The following URB2 variants were observed in gnomAD, a reference collection of about 807,000 sequenced individuals.
URB2 encodes URB2 ribosome biogenesis homolog, also known as unhealthy ribosome biogenesis protein 2 homolog.
In URB2, 86 loss-of-function variants were observed where a neutral mutation model predicts 120.9. The ratio of observed to expected loss-of-function variants is 0.71; its 90% confidence interval spans 0.60 to 0.85. The LOEUF (loss-of-function observed/expected upper bound fraction) is 0.85. URB2 is among the 40% of genes least tolerant of loss of function. The probability of loss-of-function intolerance (pLI) is 0.00; values close to 1 mark genes in which losing one functional copy is unlikely to be tolerated. For missense variants in URB2, 1,765 were observed against 1,836.5 expected (o/e 0.96, Z 0.71); for synonymous variants, 755 against 758.4 (o/e 1.00, Z 0.07).
intron 4 of URB2, 117 bp downstream of exon 4, chr1:229,638,364 G>C (rs552175639): frequency 8.2e-7 from 1 of 1,221,802 alleles, no homozygotes; most frequent in African/African-American, 1.5e-5. Context: ...CCACATGTGC[G>C]GCTGGGTGCG....
intron 7 of URB2, 106 bp downstream of exon 7, chr1:229,647,858 C>A: frequency 2.0e-6 from 3 of 1,481,310 alleles, no homozygotes; most frequent in Non-Finnish European, 2.7e-6. Flanking sequence ...GATAATAATA[C>A]AAATAACGAT....
chr1:229,657,550 A>G (rs1216690838), intron 9 of URB2, among the ~76,000 whole-genome samples: 1 of 152,244 alleles, frequency 6.6e-6, no homozygotes, highest in East Asian at 1.9e-4. Flanking sequence ...ACAAGTATGA[A>G]TAAGTAGTCC....
intron 9 of URB2, among the ~76,000 whole-genome samples, chr1:229,658,637 G>C (rs779585923): frequency 1.3e-5 from 2 of 152,160 alleles, no homozygotes; most frequent in Non-Finnish European, 2.9e-5. Flanking sequence ...TGAGATGGGG[G>C]TCATAGTGTT....
At chr1:229,649,779 C>T (rs1666225749) in intron 7 of URB2, among the ~76,000 whole-genome samples, 1 of 152,168 alleles carries the variant, frequency 6.6e-6, no homozygotes, top group Admixed American at 6.5e-5. Flanking sequence ...GTTCCAAGCA[C>T]TTTACATGGC....
chr1:229,640,225 T>G (rs987181172), intron 4 of URB2, among the ~76,000 whole-genome samples: 1 of 152,254 alleles, frequency 6.6e-6, no homozygotes, highest in African/African-American at 2.4e-5. Flanking sequence ...TTTTCTATGA[T>G]TTAATTAAAT....
chr1:229,636,796 G>C lies in URB2; in HGVS notation c.2183G>C (p.Gly728Ala). The C allele has an allele frequency of 6.2e-7, 1 of 1,612,470 alleles. No homozygotes were observed. The highest frequency in any genetic ancestry group is 8.5e-7 in the Non-Finnish European group (1 of 1,178,830). ...RTTASWDGQVGMVSGLTYPVA... is the reference protein window; with the variant it reads ...RTTASWDGQVAMVSGLTYPVA... Reference sequence around the variant, plus strand: ...ACGGCTTCCTGGGATGGCCAAGTTGGGATGGTGAGTGGACTCACATACCCT... The same window carrying C: ...ACGGCTTCCTGGGATGGCCAAGTTGCGATGGTGAGTGGACTCACATACCCT... The change falls in exon 4 of 10, where the codon GGG (glycine) becomes GCG (alanine). Residue 728 changes from glycine to alanine, a missense_variant. Transcript: ENST00000258243.
intron 9 of URB2, 39 bp from the exon 10 acceptor site, chr1:229,659,061 C>T (rs764118992): frequency 5.0e-6 from 8 of 1,588,984 alleles, no homozygotes; most frequent in South Asian, 3.3e-5. Flanking sequence ...TTGATCTCTG[C>T]CCCCAATTGT....
In URB2 at chr1:229,635,479, G is replaced by T. The variant is rs2102783897; in HGVS notation, c.866G>T (p.Gly289Val). Residue 289 changes from glycine to valine, a missense_variant, in exon 4 of 10, where the codon GGC (glycine) becomes GTC (valine). Gly to Val is a moderately radical substitution (Grantham distance 109). Coordinates refer to ENST00000258243, the MANE Select transcript of URB2 (RefSeq NM_014777.4). ...GTGCTTAACAGGCTGGTTGATGCTG[G>T]CTACTGTGCAGCATCCCTTCATACC... ...DTVLNRLVDA[G>V]YCAASLHTSV... 5.6e-6 allele frequency: 9 copies of T among 1,612,988 alleles called. No individual in the cohort carries two copies. The East Asian group carries it at 2.0e-4, about 36-fold the overall frequency.
intron 9 of URB2, among the ~76,000 whole-genome samples, chr1:229,656,350 A>C (rs1333285817): frequency 6.6e-6 from 1 of 152,244 alleles, no homozygotes; most frequent in Non-Finnish European, 1.5e-5. Context: ...AATTTACTTT[A>C]TGAAAAGCCT....
Position 229,654,332 on chromosome 1 carries a change from G to T in URB2, c.4321G>T (p.Glu1441Ter). Reference protein sequence around the residue: ...MYSHIAARAEEFAVFSPFMVA... With the variant: ...MYSHIAARAE ...CAGCCACATCGCCGCACGAGCTGAG[G>T]AGTTTGCTGTGTTTTCCCCATTTAT... Residue 1441 changes from glutamate (E) to a stop codon, truncating the protein, a stop_gained, in exon 9 of 10, where the codon GAG (glutamate) becomes TAG (stop). Coordinates refer to ENST00000258243, the MANE Select transcript of URB2 (RefSeq NM_014777.4). LOFTEE classifies it high-confidence loss of function. 6.2e-7 allele frequency: 1 copy of T among 1,614,172 alleles called. No homozygotes were observed.
Position 229,654,340 on chromosome 1 carries a change from T to C in URB2, c.4329T>C (p.Ala1443=), listed in dbSNP as rs1435746064. 4 of 1,614,054 alleles carry C rather than the reference T, an allele frequency of 2.5e-6. No individual in the cohort carries two copies. Among genetic ancestry groups the C allele is most frequent in the Non-Finnish European group, 3.4e-6 (4 of 1,180,042 alleles). ...SHIAARAEEF[A]VFSPFMVAQY... ...TCGCCGCACGAGCTGAGGAGTTTGC[T>C]GTGTTTTCCCCATTTATGGTGGCCC... The change falls in exon 9 of 10, where the codon GCT becomes GCC. Residue 1443 remains alanine (A), a synonymous_variant. Coordinates refer to ENST00000258243, the MANE Select transcript of URB2 (RefSeq NM_014777.4).
chr1:229,630,801 A>G (rs1665640777), intron 2 of URB2, among the ~76,000 whole-genome samples: 1 of 152,054 alleles, frequency 6.6e-6, no homozygotes, highest in African/African-American at 2.4e-5. Context: ...CAGTCTAGCC[A>G]ACATGGCGAA....
intron 4 of URB2, among the ~76,000 whole-genome samples, chr1:229,641,270 C>G (rs1666006038): frequency 6.6e-6 from 1 of 152,124 alleles, no homozygotes; most frequent in Non-Finnish European, 1.5e-5. Context: ...GCCTCAGCCT[C>G]CGAAAGTGCT....
rs779203345 is a variant in URB2, at chr1:229,636,292, C to T, written c.1679C>T (p.Thr560Met). The T allele has an allele frequency of 4.8e-5, 78 of 1,614,106 alleles. No homozygotes were observed. Among genetic ancestry groups the T allele is most frequent in the Middle Eastern group, 1.6e-4 (1 of 6,082 alleles). The part of the protein sequence containing the change: ...MFNMRSLDSS[T>M]PLPIVRRTQC... ...AACATGAGGAGCCTGGACAGCAGCA[C>T]GCCTCTGCCCATTGTCAGACGGACA... The change falls in exon 4 of 10, where the codon ACG (threonine) becomes ATG (methionine). Residue 560 changes from threonine to methionine, a missense_variant. Thr to Met is a moderately conservative substitution (Grantham distance 81). Transcript: ENST00000258243.
chr1:229,659,311 A>G lies in URB2; in HGVS notation c.*14A>G. On this transcript the variant is annotated 3_prime_UTR_variant, in exon 10 of 10. Transcript: ENST00000258243. ...TATACGGCCTAAGGCTATGGGACAG[A>G]AGTGCCGCCAGTGACACTGTCCAGA... 1 of 1,612,688 alleles carries G rather than the reference A, an allele frequency of 6.2e-7. No homozygotes were observed. Among genetic ancestry groups the G allele is most frequent in the South Asian group, 1.1e-5 (1 of 91,016 alleles).
At chr1:229,650,145 C>G (rs1188827036) in intron 7 of URB2, among the ~76,000 whole-genome samples, 4 of 152,220 alleles carry the variant, frequency 2.6e-5, no homozygotes, top group Admixed American at 1.3e-4. Flanking sequence ...GACTTACTCT[C>G]TGTTCACTCT....
At position 229,637,654 on chromosome 1, in the gene URB2, A is replaced by C. The variant is rs1248253972; in HGVS notation, c.3041A>C (p.Gln1014Pro). 1.2e-6 allele frequency: 2 copies of C among 1,614,274 alleles called. No individual in the cohort carries two copies. The highest frequency in any genetic ancestry group is 1.1e-5 in the South Asian group (1 of 91,090). The change falls in exon 4 of 10, where the codon CAA becomes CCA. Residue 1014 changes from glutamine to proline, a missense_variant. By Grantham distance (76) the Gln-to-Pro change is moderately conservative. Transcript: ENST00000258243. ...FLEELMQMLI[Q>P]MKLSLVLNFR... ...GAGGAGCTAATGCAGATGCTCATCC[A>C]AATGAAGCTGAGCTTGGTGCTCAAT...
chr1:229,637,345 C>A lies in URB2; in HGVS notation c.2732C>A (p.Pro911Gln). The A allele has an allele frequency of 6.2e-7, 1 of 1,614,190 alleles. No individual in the cohort carries two copies. The highest frequency in any genetic ancestry group is 8.5e-7 in the Non-Finnish European group (1 of 1,180,028). The change falls in exon 4 of 10, where the codon CCA becomes CAA. Residue 911 changes from proline to glutamine, a missense_variant. By Grantham distance (76) the Pro-to-Gln change is moderately conservative. Transcript: ENST00000258243. The stretch of plus-strand genomic sequence containing the variant: ...GCCTTACAGCTGGACAGCCTCTTGC[C>A]ACCCTATCATGTGCATTATTTTCTT... ...ISALQLDSLL[P>Q]PYHVHYFLVL...
Position 229,654,235 on chromosome 1 carries a change from T to C in URB2, c.4238-14T>C. On this transcript the variant is annotated splice_polypyrimidine_tract_variant and intron_variant, in intron 8 of 9. Transcript: ENST00000258243. ...TTTGAACTAATTGGTTGGGAAACAC[T>C]TTGTTGTCTGTAGGAAGCATAGATG... The C allele has an allele frequency of 6.2e-7, 1 of 1,612,546 alleles. No individual in the cohort carries two copies. The highest frequency in any genetic ancestry group is 8.5e-7 in the Non-Finnish European group (1 of 1,178,744).
Sources: gnomAD v4.1 joint callset for allele counts (sites outside exome capture counted in the v4.1 genomes callset) on GRCh38, gnomAD v4.1.1 for gene constraint, MANE v1.5 for transcripts, NCBI Gene and HGNC (gene_info 2026-07-23, HGNC 2026-07-21) for gene names.